The following C12orf76 variants were observed in gnomAD, a reference collection of about 807,000 sequenced individuals.
C12orf76 encodes uncharacterized protein C12orf76.
C12orf76 carries 6 observed loss-of-function variants against 6.8 expected under a neutral mutation model. The ratio of observed to expected loss-of-function variants is 0.88; its 90% CI spans 0.48 to 1.73. The LOEUF is 1.73. C12orf76 is among the 40% of genes most tolerant of loss of function. C12orf76 has a pLI of 0.01. For synonymous variants in C12orf76, 56 were observed against 43.7 expected, an observed-to-expected ratio of 1.28 and a Z score of -1.11; for missense variants, 99 against 98.2, an observed-to-expected ratio of 1.01 and a Z score of -0.03.
At chr12:110,053,778 G>A (rs991832617), upstream of C12orf76, among the ~76,000 whole-genome samples, 1 of 152,030 alleles carries the variant, frequency 6.6e-6, no homozygotes, top group African/African-American at 2.4e-5. Context: ...ATAAATTGTT[G>A]GATTCATACA....
upstream of C12orf76, among the ~76,000 whole-genome samples, chr12:110,051,837 G>T (rs1892580755): frequency 6.6e-6 from 1 of 151,660 alleles, no homozygotes; most frequent in African/African-American, 2.4e-5. Context: ...CTAGTCAAAG[G>T]CTGTGTCTGG....
intron 2 of C12orf76, among the ~76,000 whole-genome samples, chr12:110,063,244 T>C (rs1242326969): frequency 1.3e-5 from 2 of 151,584 alleles, no homozygotes; most frequent in African/African-American, 2.4e-5. Context: ...CCAGCCCCCC[T>C]TTTTTAATTT....
chr12:110,042,884 C>A (rs1000772844), intron 1 of C12orf76, among the ~76,000 whole-genome samples: 7 of 151,804 alleles, frequency 4.6e-5, no homozygotes, highest in Non-Finnish European at 5.9e-5. Flanking sequence ...ATGGTGAAAC[C>A]CCGTCTCTAC....
chr12:110,064,123 T>C (rs944126891), intron 2 of C12orf76, among the ~76,000 whole-genome samples: 1 of 151,982 alleles, frequency 6.6e-6, no homozygotes, highest in African/African-American at 2.4e-5. Flanking sequence ...AGGAACAGAG[T>C]GGGGCCCTTT....
intron 4 of C12orf76, chr12:110,057,100 C>T: frequency 1.2e-6 from 1 of 857,698 alleles, no homozygotes; most frequent in Non-Finnish European, 2.0e-6. Context: ...GCTGGACTCA[C>T]CAGATGGAGA....
At chr12:110,046,923 C>T (rs1323015512) in intron 1 of C12orf76, among the ~76,000 whole-genome samples, 1 of 152,046 alleles carries the variant, frequency 6.6e-6, no homozygotes, top group Non-Finnish European at 1.5e-5. Flanking sequence ...TGCCCCTCGC[C>T]CCCTGAAATC....
intron 1 of C12orf76, chr12:110,044,020 A>C (rs1156306640): frequency 6.9e-6 from 1 of 145,236 alleles, no homozygotes; most frequent in Non-Finnish European, 1.5e-5. Flanking sequence ...TACATAACAA[A>C]AAAAAAAAAA....
At chr12:110,051,031 A>G, upstream of C12orf76, 1 of 778,320 alleles carries the variant, frequency 1.3e-6, no homozygotes, top group Non-Finnish European at 2.4e-6. Context: ...CATGTTAAAG[A>G]CACTGTGCAC....
At chr12:110,053,227 G>A (rs1052839304), upstream of C12orf76, among the ~76,000 whole-genome samples, 2 of 143,602 alleles carry the variant, frequency 1.4e-5, no homozygotes, top group Admixed American at 1.4e-4. Flanking sequence ...GACTGGGCAC[G>A]GTGGCTCACG....
chr12:110,053,600 G>A (rs1353112698), upstream of C12orf76, among the ~76,000 whole-genome samples: 1 of 152,210 alleles, frequency 6.6e-6, no homozygotes, highest in African/African-American at 2.4e-5. Context: ...TCAATAGCAA[G>A]TACATTTGAA....
chr12:110,048,328 A>G, intron 1 of C12orf76, 35 bp downstream of exon 1: 5 of 1,475,680 alleles, frequency 3.4e-6, no homozygotes, highest in Non-Finnish European at 4.5e-6. Flanking sequence ...AAGCTCAGGC[A>G]CTACCCGCCG....
upstream of C12orf76, chr12:110,050,003 C>G (rs912874870): frequency 6.6e-6 from 1 of 152,138 alleles, no homozygotes; most frequent in Non-Finnish European, 1.5e-5. Context: ...ATTGTGCATT[C>G]GGGGAGCTCG....
upstream of C12orf76, among the ~76,000 whole-genome samples, chr12:110,070,556 C>A (rs942979188): frequency 2.6e-5 from 4 of 152,082 alleles, no homozygotes; most frequent in African/African-American, 4.8e-5. Context: ...CATAGTGTGA[C>A]CCTCTCTCAC....
intron 2 of C12orf76, among the ~76,000 whole-genome samples, chr12:110,060,158 G>A (rs1486309658): frequency 4.6e-5 from 7 of 152,024 alleles, no homozygotes; most frequent in East Asian, 1.9e-4. Context: ...CCCCAGAGGC[G>A]GAGGTTGCGG....
chr12:110,059,969 G>A (rs1022482235), intron 2 of C12orf76, among the ~76,000 whole-genome samples: 1 of 152,152 alleles, frequency 6.6e-6, no homozygotes, highest in Non-Finnish European at 1.5e-5. Context: ...TGCTGGTGAT[G>A]GTGAGGAAGA....
At chr12:110,059,290 T>C in intron 2 of C12orf76, 1 of 1,164,560 alleles carries the variant, frequency 8.6e-7, no homozygotes, top group Non-Finnish European at 1.2e-6. Context: ...GGATTCTCCA[T>C]ATATGGGATT....
intron 3 of C12orf76, chr12:110,058,904 T>G: frequency 1.4e-6 from 2 of 1,402,578 alleles, no homozygotes; most frequent in African/African-American, 1.4e-5. Flanking sequence ...TTTGCTGACA[T>G]ATATTAACTT....
intron 2 of C12orf76, among the ~76,000 whole-genome samples, chr12:110,059,426 G>A (rs1892731426): frequency 6.6e-6 from 1 of 152,152 alleles, no homozygotes; most frequent in Non-Finnish European, 1.5e-5. Context: ...CGGTGAAAGC[G>A]GGCATCCTCG....
chr12:110,063,547 C>T (rs1258984365), intron 2 of C12orf76, among the ~76,000 whole-genome samples: 1 of 151,602 alleles, frequency 6.6e-6, no homozygotes, highest in Non-Finnish European at 1.5e-5. Flanking sequence ...GCCTTGGCCT[C>T]CCGAAGTGCT....
Sources: gnomAD v4.1 joint callset for allele counts (sites outside exome capture counted in the v4.1 genomes callset) on GRCh38, gnomAD v4.1.1 for gene constraint, MANE v1.5 for transcripts, NCBI Gene and HGNC (gene_info 2026-07-23, HGNC 2026-07-21) for gene names.